The following KCNAB1 variants were observed in gnomAD, a reference collection of about 807,000 sequenced individuals.
KCNAB1 encodes the protein voltage-gated potassium channel subunit beta-1.
Under a neutral mutation model 64.6 loss-of-function variants are expected in KCNAB1, and 35 were observed. The observed-to-expected ratio is 0.54, with a 90% CI of 0.41 to 0.72. KCNAB1 has a LOEUF of 0.72. Among genes scored for constraint, KCNAB1 ranks in the 30% least tolerant of loss-of-function variants. KCNAB1 has a pLI of 0.00. For synonymous variants in KCNAB1, 177 were observed against 183.8 expected (o/e 0.96, Z 0.30); for missense variants, 401 against 512.9 (o/e 0.78, Z 2.11).
intron 1 of KCNAB1, chr3:156,143,148 A>C: frequency 6.4e-7 from 1 of 1,557,800 alleles, no homozygotes; most frequent in Non-Finnish European, 8.7e-7. Context: ...AGCACCGTGC[A>C]ATTAGCTTTG....
chr3:156,288,503 G>T (rs971144568), intron 1 of KCNAB1, among the ~76,000 whole-genome samples: 5 of 152,190 alleles, frequency 3.3e-5, no homozygotes, highest in African/African-American at 1.2e-4. Context: ...TGGCCTCTTA[G>T]CACAAACTTA....
chr3:156,354,224 G>T (rs927423813), intron 1 of KCNAB1, among the ~76,000 whole-genome samples: 1 of 150,580 alleles, frequency 6.6e-6, no homozygotes, highest in Admixed American at 6.6e-5. Context: ...TGGCGTTGGT[G>T]TGATCTCGGC....
intron 1 of KCNAB1, among the ~76,000 whole-genome samples, chr3:156,364,366 T>C (rs1560218588): frequency 6.6e-6 from 1 of 152,312 alleles, no homozygotes; most frequent in East Asian, 1.9e-4. Flanking sequence ...CAGCTAAGCA[T>C]GAAACCAAGT....
intron 1 of KCNAB1, among the ~76,000 whole-genome samples, chr3:156,388,568 C>G (rs969557719): frequency 2.6e-5 from 4 of 152,240 alleles, no homozygotes; most frequent in African/African-American, 9.6e-5. Context: ...ACCAAGACTG[C>G]ATCCCTGTGA....
chr3:156,273,587 G>A (rs1246743425), intron 1 of KCNAB1: 3 of 456,680 alleles, frequency 6.6e-6, no homozygotes, highest in Non-Finnish European at 1.3e-5. Flanking sequence ...AGCTGCTGCT[G>A]TGGGGTGGGA....
chr3:156,162,932 G>T (rs1716166302), intron 1 of KCNAB1, among the ~76,000 whole-genome samples: 1 of 152,152 alleles, frequency 6.6e-6, no homozygotes, highest in South Asian at 2.1e-4. Flanking sequence ...ATTTCACAAA[G>T]CCAATTATAT....
chr3:156,236,221 T>C (rs1232856158), intron 1 of KCNAB1, among the ~76,000 whole-genome samples: 2 of 152,228 alleles, frequency 1.3e-5, no homozygotes, highest in African/African-American at 4.8e-5. Context: ...GAAAACTCTC[T>C]CACTTCATAA....
intron 1 of KCNAB1, among the ~76,000 whole-genome samples, chr3:156,403,602 A>G (rs1481212901): frequency 6.6e-6 from 1 of 152,144 alleles, no homozygotes; most frequent in Non-Finnish European, 1.5e-5. Flanking sequence ...GCTTTTTAAA[A>G]CAAAAAGGGG....
At chr3:156,462,293 C>T (rs16826248) in intron 5 of KCNAB1, among the ~76,000 whole-genome samples, 2,866 of 152,324 alleles carry the variant, frequency 0.019, 115 homozygotes, top group African/African-American at 0.066. Flanking sequence ...CTTTGAAAAA[C>T]TAAGTCTGTG....
intron 1 of KCNAB1, among the ~76,000 whole-genome samples, chr3:156,408,259 G>A (rs192373845): frequency 6.6e-6 from 1 of 152,118 alleles, no homozygotes; most frequent in Non-Finnish European, 1.5e-5. Context: ...GCTAAGAATC[G>A]GGTCACTTCA....
chr3:156,192,715 G>A (rs1010917466), intron 1 of KCNAB1, among the ~76,000 whole-genome samples: 1 of 151,860 alleles, frequency 6.6e-6, no homozygotes, highest in Non-Finnish European at 1.5e-5. Flanking sequence ...TAAATAAATT[G>A]GCCCTTTTAT....
chr3:156,155,219 C>T (rs1181547099), intron 1 of KCNAB1, among the ~76,000 whole-genome samples: 2 of 152,108 alleles, frequency 1.3e-5, no homozygotes, highest in Admixed American at 1.3e-4. Context: ...CCTGCCCTGC[C>T]ACCACCCCTC....
chr3:156,469,528 C>A (rs1396473263), intron 7 of KCNAB1, among the ~76,000 whole-genome samples: 1 of 151,790 alleles, frequency 6.6e-6, no homozygotes, highest in African/African-American at 2.4e-5. Flanking sequence ...TTTTTCAAGC[C>A]TCATATGACA....
rs77314462 is a variant in KCNAB1, at chr3:156,156,896, A to G, written c.275+36010A>G. 3.9e-3 allele frequency among the ~76,000 whole-genome samples: 598 copies of G among 152,322 alleles called. 2 individuals carry two copies. The highest frequency in any genetic ancestry group is 0.014 in the African/African-American group (564 of 41,576). On this transcript the variant is annotated intron_variant, in intron 1 of 13. Transcript: ENST00000490337. Reference sequence around the variant, plus strand: ...ACATAAAGCCATGAGATAAGCAAGTAAGTGTAGAGAGAGATTATAACAAAA... The same window carrying G: ...ACATAAAGCCATGAGATAAGCAAGTGAGTGTAGAGAGAGATTATAACAAAA...
chr3:156,489,096 G>A (rs534831022), intron 8 of KCNAB1, among the ~76,000 whole-genome samples: 1 of 152,258 alleles, frequency 6.6e-6, no homozygotes, highest in South Asian at 2.1e-4. Context: ...TGAAGATGCT[G>A]AGTAGGGAGT....
At chr3:156,259,378 A>G (rs1718297666) in intron 1 of KCNAB1, among the ~76,000 whole-genome samples, 1 of 152,256 alleles carries the variant, frequency 6.6e-6, no homozygotes, top group East Asian at 1.9e-4. Context: ...GGGAAGCCTG[A>G]GATCAAAAGT....
At chr3:156,150,393 T>A (rs1031372658) in intron 1 of KCNAB1, among the ~76,000 whole-genome samples, 1 of 152,214 alleles carries the variant, frequency 6.6e-6, no homozygotes, top group South Asian at 2.1e-4. Flanking sequence ...TCAATCTGTT[T>A]TGAAATTTCC....
intron 8 of KCNAB1, among the ~76,000 whole-genome samples, chr3:156,500,923 C>T (rs1311949979): frequency 6.6e-6 from 1 of 152,162 alleles, no homozygotes; most frequent in Non-Finnish European, 1.5e-5. Context: ...ATTTGAGGGG[C>T]TTCACTGACT....
intron 1 of KCNAB1, among the ~76,000 whole-genome samples, chr3:156,306,695 G>A (rs538036302): frequency 1.3e-5 from 2 of 152,284 alleles, no homozygotes; most frequent in Admixed American, 6.5e-5. Flanking sequence ...TCCCTGCAGC[G>A]TCCAAGGCAC....
Sources: allele counts gnomAD v4.1 joint callset (sites outside exome capture counted in the v4.1 genomes callset), GRCh38; gene constraint gnomAD v4.1.1; transcripts MANE v1.5; gene names NCBI Gene and HGNC (gene_info 2026-07-23, HGNC 2026-07-21).